PCDHGB2: variants seen among roughly 807,000 people sequenced by gnomAD.
The protein encoded by PCDHGB2 is protocadherin gamma subfamily B, 2.
Under a neutral mutation model 59.3 loss-of-function variants are expected in PCDHGB2, and 55 were observed. The observed-to-expected ratio is 0.93, with a 90% CI of 0.75 to 1.16. The LOEUF (loss-of-function observed/expected upper bound fraction) is 1.16. PCDHGB2 is among the 50% of genes most tolerant of loss of function. The pLI, the probability that PCDHGB2 is intolerant of heterozygous loss-of-function variation, is 0.00. For synonymous variants in PCDHGB2, 516 were observed against 512.0 expected, an observed-to-expected ratio of 1.01 and a Z score of -0.11; for missense variants, 1,228 against 1,198.5, an observed-to-expected ratio of 1.02 and a Z score of -0.36.
intron 3 of PCDHGB2, among the ~76,000 whole-genome samples, chr5:141,509,092 G>T (rs943269087): frequency 1.3e-5 from 2 of 152,180 alleles, no homozygotes; most frequent in African/African-American, 4.8e-5. Context: ...TGAAATGGGG[G>T]CTGTAGAAAC....
In PCDHGB2 at chr5:141,360,681, GAAAC is replaced by G; in HGVS notation, c.548_551del (p.Lys183ArgfsTer11). The G allele has an allele frequency of 6.2e-7, 1 of 1,613,946 alleles. No homozygotes were observed. The highest frequency in any genetic ancestry group is 8.5e-7 in the Non-Finnish European group (1 of 1,179,892). ...ACAACGAGTACTTTGATCTCGCTGA[GAAAC>G]AGACTCCAGATGGTCGTAAATATCC... On this transcript the variant is annotated frameshift_variant, in exon 1 of 4. Coordinates refer to ENST00000522605, the MANE Select transcript of PCDHGB2 (RefSeq NM_018923.3). LOFTEE classifies it high-confidence loss of function.
chr5:141,375,308 G>A (rs761294258), intron 1 of PCDHGB2: 1 of 1,613,722 alleles, frequency 6.2e-7, no homozygotes, highest in African/African-American at 1.3e-5. Flanking sequence ...GACAAATGCA[G>A]CTCTAGACCG....
chr5:141,476,123 C>G lies in PCDHGB2; in HGVS notation c.2422-18684C>G. Reference sequence around the variant, plus strand: ...GGAACTGCTTTTGAGTGAGATGGTCCCAGAGGCCTGGAGGAGCGGACTGGT... The same window carrying G: ...GGAACTGCTTTTGAGTGAGATGGTCGCAGAGGCCTGGAGGAGCGGACTGGT... On this transcript the variant is annotated intron_variant, in intron 1 of 3. Coordinates refer to ENST00000522605, the MANE Select transcript of PCDHGB2 (RefSeq NM_018923.3). This position sits in a 1 kb window ranked among gnomAD's most constrained non-coding sequence, Gnocchi z 7.6. 1 of 1,602,442 alleles carries G rather than the reference C, an allele frequency of 6.2e-7. No individual in the cohort carries two copies. The highest frequency in any genetic ancestry group is 8.5e-7 in the Non-Finnish European group (1 of 1,176,022).
chr5:141,408,972 C>T, intron 1 of PCDHGB2: 8 of 1,613,870 alleles, frequency 5.0e-6, no homozygotes, highest in Non-Finnish European at 5.9e-6. Flanking sequence ...AATCTGCCCC[C>T]TGGGTCCCCT....
intron 1 of PCDHGB2, chr5:141,392,820 G>C (rs1474865202): frequency 1.3e-6 from 2 of 1,592,748 alleles, no homozygotes; most frequent in Admixed American, 3.6e-5. Context: ...AACAATGGCC[G>C]CTCCACAGAG....
Position 141,486,656 on chromosome 5 carries a change from C to A in PCDHGB2, c.2422-8151C>A. 6.2e-7 allele frequency: 1 copy of A among 1,614,020 alleles called. No homozygotes were observed. Among genetic ancestry groups the A allele is most frequent in the Non-Finnish European group, 8.5e-7 (1 of 1,180,038 alleles). On this transcript the variant is annotated intron_variant, in intron 1 of 3. Transcript: ENST00000522605. This position sits in a 1 kb window ranked among gnomAD's most constrained non-coding sequence, Gnocchi z 5.0. ...GAATGCGCTTATCTCCTACTCACTCCTGGAGCCCAGGAATCGAGATGTATC... is the reference window on the plus strand; with the variant it reads ...GAATGCGCTTATCTCCTACTCACTCATGGAGCCCAGGAATCGAGATGTATC...
chr5:141,363,711 G>A (rs1340350758), intron 1 of PCDHGB2, among the ~76,000 whole-genome samples: 1 of 152,188 alleles, frequency 6.6e-6, no homozygotes, highest in Non-Finnish European at 1.5e-5. Context: ...GGCCTGTTTG[G>A]AAAGGTGCAT....
chr5:141,371,752 AC>A (rs1278414887), intron 1 of PCDHGB2: 1 of 1,613,888 alleles, frequency 6.2e-7, no homozygotes, highest in Non-Finnish European at 8.5e-7. Flanking sequence ...CCCGTTTTCC[AC>A]CAGGCCTCCT....
chr5:141,441,150 T>C (rs1421773650), intron 1 of PCDHGB2: 4 of 152,122 alleles, frequency 2.6e-5, no homozygotes, highest in African/African-American at 7.2e-5. Context: ...ATAATGACAA[T>C]ATCCTAGAGG....
Position 141,489,316 on chromosome 5 carries a change from T to C in PCDHGB2, c.2422-5491T>C, listed in dbSNP as rs2099685399. On this transcript the variant is annotated intron_variant, in intron 1 of 3. Transcript: ENST00000522605. This position sits in a 1 kb window ranked among gnomAD's most constrained non-coding sequence, Gnocchi z 4.5. The stretch of plus-strand genomic sequence containing the variant: ...CATGTTGTCCTTGTGCTGCTGGGGC[T>C]GGGTGTCTGGGCAGCTTCGTTACTC... The C allele has an allele frequency of 1.3e-6, 2 of 1,597,946 alleles. No individual in the cohort carries two copies. Among genetic ancestry groups the C allele is most frequent in the Admixed American group, 1.7e-5 (1 of 58,864 alleles).
intron 1 of PCDHGB2, among the ~76,000 whole-genome samples, chr5:141,369,057 G>A (rs907839197): frequency 1.4e-4 from 22 of 152,206 alleles, no homozygotes; most frequent in African/African-American, 5.1e-4. Flanking sequence ...ACATTATGTA[G>A]GCTAAAGATA....
At chr5:141,421,825 AG>A in intron 1 of PCDHGB2, 1 of 1,613,802 alleles carries the variant, frequency 6.2e-7, no homozygotes. Flanking sequence ...ACTGGAGGGA[AG>A]CCTGGACCGA....
Position 141,382,839 on chromosome 5 carries a change from T to C in PCDHGB2, c.2421+20283T>C, listed in dbSNP as rs11575957. On this transcript the variant is annotated intron_variant, in intron 1 of 3. Coordinates refer to ENST00000522605, the MANE Select transcript of PCDHGB2 (RefSeq NM_018923.3). ...CCTAAGACAGAGGGGTCCACCCGGATACACCCGCATTCTGAAGCACTTCCC... is the reference window on the plus strand; with the variant it reads ...CCTAAGACAGAGGGGTCCACCCGGACACACCCGCATTCTGAAGCACTTCCC... The C allele has an allele frequency of 5.0e-3, 7,225 of 1,450,218 alleles. 38 individuals are homozygous for C. Among genetic ancestry groups the C allele is most frequent in the Admixed American group, 9.6e-3 (425 of 44,246 alleles). 89.8% of individuals were successfully genotyped at this position (1,450,218 alleles called of 1,614,324 possible).
At chr5:141,388,635 C>G (rs1441074974) in intron 1 of PCDHGB2, 7 of 1,613,896 alleles carry the variant, frequency 4.3e-6, no homozygotes, top group Non-Finnish European at 5.9e-6. Context: ...CAGGGTGAGC[C>G]TTTCAGAAAA....
chr5:141,405,238 C>T, intron 1 of PCDHGB2: 1 of 1,614,168 alleles, frequency 6.2e-7, no homozygotes, highest in African/African-American at 1.3e-5. Flanking sequence ...TCACCGCTGA[C>T]TCAAGGAAGA....
At chr5:141,413,331 C>T (rs1300057166) in intron 1 of PCDHGB2, 1 of 1,613,992 alleles carries the variant, frequency 6.2e-7, no homozygotes, top group Admixed American at 1.7e-5. Context: ...TGGGCAACAT[C>T]TCCAAGGACT....
In PCDHGB2 at chr5:141,511,033, C is replaced by T. The variant is rs1185153127; in HGVS notation, c.2656C>T (p.His886Tyr). 6.2e-7 allele frequency: 1 copy of T among 1,614,202 alleles called. No individual in the cohort carries two copies. The highest frequency in any genetic ancestry group is 1.7e-5 in the Admixed American group (1 of 60,032). ...CTACGGACCCCAGTTCACCCTGCAG[C>T]ACGTGCCCGACTACCGCCAGAATGT... ...ARYGPQFTLQ[H>Y]VPDYRQNVYI... Residue 886 changes from histidine to tyrosine, a missense_variant, in exon 4 of 4, where the codon CAC becomes TAC. His to Tyr is a moderately conservative substitution (Grantham distance 83). Coordinates refer to ENST00000522605, the MANE Select transcript of PCDHGB2 (RefSeq NM_018923.3).
chr5:141,393,642 G>C, intron 1 of PCDHGB2: 1 of 1,613,940 alleles, frequency 6.2e-7, no homozygotes, highest in Non-Finnish European at 8.5e-7. Context: ...CAACGGAAAA[G>C]TGGCATACAA....
At chr5:141,404,068 T>C (rs2094481501) in intron 1 of PCDHGB2, 3 of 1,613,782 alleles carry the variant, frequency 1.9e-6, no homozygotes, top group Non-Finnish European at 2.5e-6. Flanking sequence ...TCAATGCTCA[T>C]GACCGAGACT....
Sources: gnomAD v4.1 joint callset for allele counts (sites outside exome capture counted in the v4.1 genomes callset) on GRCh38, gnomAD v4.1.1 for gene constraint, Gnocchi (gnomAD v3.1) non-coding constraint, MANE v1.5 for transcripts, NCBI Gene and HGNC (gene_info 2026-07-23, HGNC 2026-07-21) for gene names.